The following SLC15A4 variants were observed in gnomAD, a reference collection of about 807,000 sequenced individuals.
SLC15A4 encodes hPHT1.
A neutral mutation model predicts 46.1 loss-of-function variants in SLC15A4; 26 were observed. That is an observed-to-expected ratio of 0.56 (90% CI 0.41 to 0.78). SLC15A4 has a LOEUF of 0.78. Ranked by LOEUF, SLC15A4 falls within the 30% of genes least tolerant of loss-of-function variation. The pLI is 0.00. For missense variants in SLC15A4, 751 were observed against 755.7 expected (o/e 0.99, Z 0.07); for synonymous variants, 370 against 333.4 (o/e 1.11, Z -1.20).
At position 128,819,201 on chromosome 12, in the gene SLC15A4, C is replaced by T. The variant is rs189938903; in HGVS notation, c.547-4131G>A. On this transcript the variant is annotated intron_variant, in intron 1 of 7. Coordinates refer to ENST00000266771, the MANE Select transcript of SLC15A4 (RefSeq NM_145648.4). ...GGTGGATCACCTGAGGTCAGGAGTT[C>T]GAGACCAACCTGGCCAACATGGTGA... Among the ~76,000 whole-genome samples, 31 of 152,100 alleles carry T rather than the reference C, an allele frequency of 2.0e-4. No homozygotes were observed. In the East Asian group the frequency reaches 3.5e-3, roughly 17 times the overall value.
chr12:128,817,412 T>C (rs941591832), intron 1 of SLC15A4, among the ~76,000 whole-genome samples: 1 of 152,186 alleles, frequency 6.6e-6, no homozygotes, highest in African/African-American at 2.4e-5. Flanking sequence ...AAAAAGTAAT[T>C]TTTTGACAAG....
chr12:128,802,141 G>A (rs956410575), intron 5 of SLC15A4, among the ~76,000 whole-genome samples: 8 of 152,130 alleles, frequency 5.3e-5, no homozygotes, highest in Non-Finnish European at 1.2e-4. Context: ...CGCCCTCCAC[G>A]GGAGAAACAT....
chr12:128,803,297 G>A (rs1955539205), intron 5 of SLC15A4, among the ~76,000 whole-genome samples: 1 of 152,136 alleles, frequency 6.6e-6, no homozygotes, highest in African/African-American at 2.4e-5. Context: ...AAAGGGAAGA[G>A]GTGTCAACAA....
chr12:128,816,950 A>G lies in SLC15A4; in HGVS notation c.547-1880T>C, dbSNP rs541942079. ...CAGAGGAGTAAAATTTATAGTTAAAATTGTGTGTTCCTCTCTAAAGGAAAT... is the reference window on the plus strand; with the variant it reads ...CAGAGGAGTAAAATTTATAGTTAAAGTTGTGTGTTCCTCTCTAAAGGAAAT... On this transcript the variant is annotated intron_variant, in intron 1 of 7. Coordinates refer to ENST00000266771, the MANE Select transcript of SLC15A4 (RefSeq NM_145648.4). 4.6e-5 allele frequency among the ~76,000 whole-genome samples: 7 copies of G among 152,362 alleles called. No homozygotes were observed. The East Asian group carries it at 1.2e-3, about 25-fold the overall frequency.
chr12:128,793,201 C>T lies in SLC15A4; in HGVS notation c.*995G>A, dbSNP rs1398253726. The T allele has an allele frequency of 4.6e-5, 7 of 152,168 alleles. No homozygotes were observed. Among genetic ancestry groups the T allele is most frequent in the Non-Finnish European group, 7.3e-5 (5 of 68,032 alleles). The allele number at this position is 152,168 out of a possible 1,614,324, so 9.4% of individuals were successfully genotyped here. The stretch of plus-strand genomic sequence containing the variant: ...ACGCAAAGAACCGGCTCATGGATTT[C>T]GCATTTGAGATGCTTTTTATAATAA... On this transcript the variant is annotated 3_prime_UTR_variant, in exon 8 of 8. Transcript: ENST00000266771.
intron 5 of SLC15A4, among the ~76,000 whole-genome samples, chr12:128,803,806 T>G (rs1955546737): frequency 6.6e-6 from 1 of 152,188 alleles, no homozygotes; most frequent in African/African-American, 2.4e-5. Context: ...AAATAATTCT[T>G]GAGGCCTACA....
chr12:128,798,399 T>C (rs1955473146), intron 7 of SLC15A4, among the ~76,000 whole-genome samples: 1 of 152,180 alleles, frequency 6.6e-6, no homozygotes, highest in Non-Finnish European at 1.5e-5. Context: ...CATGGGACAT[T>C]GGTGGCTTGG....
chr12:128,799,509 G>C, intron 6 of SLC15A4, 92 bp from the exon 7 acceptor site: 1 of 1,372,508 alleles, frequency 7.3e-7, no homozygotes, highest in East Asian at 2.3e-5. Flanking sequence ...AGGAAGCGTG[G>C]GGTCTCCTAG....
intron 4 of SLC15A4, 200 bp downstream of exon 4, chr12:128,809,196 T>C (rs1362108711): frequency 3.4e-6 from 2 of 591,696 alleles, no homozygotes; most frequent in East Asian, 2.9e-5. Flanking sequence ...TAATGTTGAA[T>C]TGATGTTAGT....
intron 7 of SLC15A4, among the ~76,000 whole-genome samples, chr12:128,798,605 G>A (rs973082149): frequency 6.6e-6 from 1 of 152,184 alleles, no homozygotes; most frequent in Admixed American, 6.5e-5. Context: ...GGTTGTTTCT[G>A]TAGATAAAAT....
intron 1 of SLC15A4, 170 bp from the exon 2 acceptor site, chr12:128,815,240 C>T (rs1955734979): frequency 3.1e-6 from 2 of 639,406 alleles, no homozygotes; most frequent in Admixed American, 5.9e-5. Flanking sequence ...AAAAAGCACA[C>T]CCCACGCTTT....
Position 128,808,783 on chromosome 12 carries a change from C to T in SLC15A4, c.1258+5G>A. On this transcript the variant is annotated splice_donor_5th_base_variant and intron_variant, in intron 5 of 7. Transcript: ENST00000266771. ...TGAGGAGGAACGGAGCAGAATGCCT[C>T]TTACCTGCAGCAAAGGCCGAGCACA... 6.2e-7 allele frequency: 1 copy of T among 1,613,946 alleles called. No homozygotes were observed. The highest frequency in any genetic ancestry group is 8.5e-7 in the Non-Finnish European group (1 of 1,179,930).
intron 2 of SLC15A4, 24 bp downstream of exon 2, chr12:128,814,751 C>G: frequency 1.9e-6 from 3 of 1,607,552 alleles, no homozygotes; most frequent in Non-Finnish European, 2.6e-6. Flanking sequence ...TTCAAACAGC[C>G]CAAGATGAGA....
Position 128,809,712 on chromosome 12 carries a change from G to T in SLC15A4, c.1011+231C>A, listed in dbSNP as rs566478103. The T allele has an allele frequency of 5.6e-5, 30 of 539,314 alleles. 1 individual carries two copies. The South Asian group carries it at 8.6e-4, about 15-fold the overall frequency. The allele number at this position is 539,314 out of a possible 1,614,324, so 33.4% of individuals were successfully genotyped here. A position where few individuals can be genotyped will look rare whatever the true frequency, so the allele number is the denominator to read the frequency against. On this transcript the variant is annotated intron_variant, in intron 3 of 7. Coordinates refer to ENST00000266771, the MANE Select transcript of SLC15A4 (RefSeq NM_145648.4). ...AGGAGAAATTACATTAACAAGAGGG[G>T]CCTGAAAAACCAGAAGCGTACCTGT...
In SLC15A4 at chr12:128,803,435, CAG is replaced by C. The variant is rs1211128913; in HGVS notation, c.1259-2428_1259-2427del. On this transcript the variant is annotated intron_variant, in intron 5 of 7. Coordinates refer to ENST00000266771, the MANE Select transcript of SLC15A4 (RefSeq NM_145648.4). ...CAGACAGCACCTCATTTATTATTCA[CAG>C]TAAGCTGGGGGGAGAAATAACCCAA... Among the ~76,000 whole-genome samples, 1,300 of 152,262 alleles carry C rather than the reference CAG, an allele frequency of 8.5e-3. 20 individuals carry two copies. Among genetic ancestry groups the C allele is most frequent in the African/African-American group, 0.028 (1,161 of 41,534 alleles).
chr12:128,796,956 C>A (rs1027929183), intron 7 of SLC15A4, among the ~76,000 whole-genome samples: 4 of 152,176 alleles, frequency 2.6e-5, no homozygotes, highest in Non-Finnish European at 4.4e-5. Context: ...CACCACGCCT[C>A]GTCAGGGTCT....
intron 5 of SLC15A4, among the ~76,000 whole-genome samples, chr12:128,806,866 C>T (rs564092964): frequency 2.7e-5 from 4 of 148,278 alleles, no homozygotes; most frequent in East Asian, 4.1e-4. Flanking sequence ...CCAGTCAGTA[C>T]ATACTGGACT....
At chr12:128,809,571 C>T (rs1456755304) in intron 3 of SLC15A4, 98 bp from the exon 4 acceptor site, 1 of 713,594 alleles carries the variant, frequency 1.4e-6, no homozygotes, top group East Asian at 2.6e-5. Flanking sequence ...AGATGCGACA[C>T]ACAGTGACTC....
intron 1 of SLC15A4, among the ~76,000 whole-genome samples, chr12:128,821,351 TACAAGCATCCGCAC>T (rs1388934265): frequency 6.6e-6 from 1 of 152,166 alleles, no homozygotes; most frequent in East Asian, 1.9e-4. Context: ...ACCCATTCTC[TACAAGCATCCGCAC>T]ACTTCTGTGA....
Sources: allele counts gnomAD v4.1 joint callset (sites outside exome capture counted in the v4.1 genomes callset), GRCh38; gene constraint gnomAD v4.1.1; transcripts MANE v1.5; gene names NCBI Gene and HGNC (gene_info 2026-07-23, HGNC 2026-07-21).